The following ZNF646 variants were observed in gnomAD, a reference collection of about 807,000 sequenced individuals.
ZNF646 encodes zinc finger protein 646.
Under a neutral mutation model 115.4 loss-of-function variants are expected in ZNF646, and 49 were observed. That is an observed-to-expected ratio of 0.42 (90% CI 0.34 to 0.54). ZNF646 has a LOEUF of 0.54. ZNF646 is among the 20% of genes least tolerant of loss of function. The probability of loss-of-function intolerance (pLI) is 0.04; values close to 1 mark genes in which losing one functional copy is unlikely to be tolerated. For missense variants in ZNF646, 2,269 were observed against 2,457.9 expected (o/e 0.92, Z 1.62); for synonymous variants, 933 against 939.0 (o/e 0.99, Z 0.12).
rs1378429627 is a variant in ZNF646 at position 31,078,257 on chromosome 16, A to C, written c.1933A>C (p.Ser645Arg). 1.2e-6 allele frequency: 2 copies of C among 1,613,798 alleles called. No individual in the cohort carries two copies. Among genetic ancestry groups the C allele is most frequent in the African/African-American group, 2.7e-5 (2 of 74,956 alleles). The part of the protein sequence containing the change: ...HRQTHQTGDF[S>R]CGACAKHFHT... ...GCAGACCCACCAGACAGGAGACTTC[A>C]GTTGTGGGGCCTGTGCCAAGCACTT... The change falls in exon 2 of 3, where the codon AGT (serine) becomes CGT (arginine). Residue 645 changes from serine (S) to arginine (R), a missense_variant. By Grantham distance (110) the Ser-to-Arg change is moderately radical. Transcript: ENST00000300850.
Position 31,084,136 on chromosome 16 carries a change from C to T in ZNF646, c.*1044C>T. 7 of 1,584,534 alleles carry T rather than the reference C, an allele frequency of 4.4e-6. No individual in the cohort carries two copies. The Middle Eastern group carries it at 5.0e-4, about 114-fold the overall frequency. On this transcript the variant is annotated 3_prime_UTR_variant, in exon 3 of 3. Transcript: ENST00000300850. ...CCACATACTTATGTTGGCCAGGCAGCTTCCAGGCTCAGCCTCGGGCTCTGG... is the reference window on the plus strand; with the variant it reads ...CCACATACTTATGTTGGCCAGGCAGTTTCCAGGCTCAGCCTCGGGCTCTGG...
rs754812632 is a variant in ZNF646 at position 31,080,758 on chromosome 16, G to T, written c.4434G>T (p.Trp1478Cys). The change falls in exon 2 of 3, where the codon TGG becomes TGT. Residue 1478 changes from tryptophan (W) to cysteine (C), a missense_variant. This residue lies in a region of ZNF646 where 1,062 missense variants were observed against 1,172.8 expected (regional missense o/e 0.91). Transcript: ENST00000300850. Reference protein sequence around the residue: ...GGGLGNHSGGWVPQFLTRSEE... With the variant: ...GGGLGNHSGGCVPQFLTRSEE... ...GACTGGGGAATCATAGTGGAGGCTG[G>T]GTTCCTCAGTTCCTAACTAGGTCAG... 5.6e-6 allele frequency: 9 copies of T among 1,613,624 alleles called. No individual in the cohort carries two copies. Among genetic ancestry groups the T allele is most frequent in the Non-Finnish European group, 7.6e-6 (9 of 1,179,934 alleles).
In ZNF646 at chr16:31,080,259, G is replaced by A. The variant is rs2057137675; in HGVS notation, c.3935G>A (p.Gly1312Asp). The A allele has an allele frequency of 1.9e-6, 3 of 1,612,178 alleles. No individual in the cohort carries two copies. Among genetic ancestry groups the A allele is most frequent in the Middle Eastern group, 1.6e-4 (1 of 6,076 alleles). ...TGCGGGCGGACCTATCGCCACGCCG[G>A]CAGCCTCCTGAACCACCGGCGCAGC... is the stretch of plus-strand genomic sequence containing the variant. ...GQCGRTYRHAGSLLNHRRSHE... is the reference protein window; with the variant it reads ...GQCGRTYRHADSLLNHRRSHE... Residue 1312 changes from glycine to aspartate, a missense_variant, in exon 2 of 3, where the codon GGC becomes GAC. Coordinates refer to ENST00000300850, the MANE Select transcript of ZNF646 (RefSeq NM_014699.4).
rs200472685 is a variant in ZNF646 at position 31,081,090 on chromosome 16, A to G, written c.4766A>G (p.Asp1589Gly). The G allele has an allele frequency of 1.9e-6, 3 of 1,613,532 alleles. No homozygotes were observed. The highest frequency in any genetic ancestry group is 2.5e-6 in the Non-Finnish European group (3 of 1,179,886). Reference protein sequence around the residue: ...HIDAQTFACPDCGKAFESHQE... With the variant: ...HIDAQTFACPGCGKAFESHQE... ...GACGCCCAGACCTTTGCCTGTCCTG[A>G]CTGTGGCAAAGCCTTTGAGTCCCAC... The change falls in exon 2 of 3, where the codon GAC becomes GGC. Residue 1589 changes from aspartate (D) to glycine (G), a missense_variant. By Grantham distance (94) the Asp-to-Gly change is moderately conservative. Transcript: ENST00000300850.
rs2057131550 is a variant in ZNF646, at chr16:31,079,912, A to C, written c.3588A>C (p.Glu1196Asp). 1 of 1,612,268 alleles carries C rather than the reference A, an allele frequency of 6.2e-7. No homozygotes were observed. The highest frequency in any genetic ancestry group is 8.5e-7 in the Non-Finnish European group (1 of 1,178,844). ...CTGCCGAGAAGGGCTGCCAGACTGA[A>C]GCCAGCTCTGAGCGGCCCTTCAGCT... Reference protein sequence around the residue: ...LETAEKGCQTEASSERPFSCE... With the variant: ...LETAEKGCQTDASSERPFSCE... Residue 1196 changes from glutamate (E) to aspartate (D), a missense_variant, in exon 2 of 3, where the codon GAA becomes GAC. Around this residue, in one of 5 missense-constraint regions of ZNF646, gnomAD observed 1,062 missense variants for 1,172.8 expected, o/e 0.91. Transcript: ENST00000300850. This position sits in a 1 kb window ranked among gnomAD's most constrained non-coding sequence, Gnocchi z 5.5.
chr16:31,078,648 C>G lies in ZNF646; in HGVS notation c.2324C>G (p.Pro775Arg). ...DASLLDNLDI[P>R]GEEGGGTHFC... is the part of the protein sequence containing the mutation. ...AGTTTACTTGACAACTTGGACATCC[C>G]AGGTGAGGAAGGTGGTGGCACTCAC... The change falls in exon 2 of 3, where the codon CCA becomes CGA. Residue 775 changes from proline to arginine, a missense_variant. By Grantham distance (103) the Pro-to-Arg change is moderately radical (BLOSUM62 -2). This residue lies in a region of ZNF646 where 852 missense variants were observed against 900.2 expected (regional missense o/e 0.95). Coordinates refer to ENST00000300850, the MANE Select transcript of ZNF646 (RefSeq NM_014699.4). 2 of 1,614,154 alleles carry G rather than the reference C, an allele frequency of 1.2e-6. No individual in the cohort carries two copies. Among genetic ancestry groups the G allele is most frequent in the African/African-American group, 2.7e-5 (2 of 75,064 alleles).
In ZNF646 at chr16:31,077,368, A is replaced by C. The variant is rs1258944286; in HGVS notation, c.1044A>C (p.Ala348=). 1 of 1,613,018 alleles carries C rather than the reference A, an allele frequency of 6.2e-7. No homozygotes were observed. Among genetic ancestry groups the C allele is most frequent in the African/African-American group, 1.3e-5 (1 of 74,922 alleles). The change falls in exon 2 of 3, where the codon GCA becomes GCC. Residue 348 remains alanine, a synonymous_variant. Coordinates refer to ENST00000300850, the MANE Select transcript of ZNF646 (RefSeq NM_014699.4). ...GCAGCCAGGACCAGCTCCCCAGTGC[A>C]CAGATGCTGAATGGCTCTGCGGAGC... ...DESSQDQLPS[A]QMLNGSAELS... is the part of the protein sequence containing the mutation.
intron 2 of ZNF646, chr16:31,082,254 C>A (rs1412425227): frequency 5.7e-6 from 1 of 175,262 alleles, no homozygotes; most frequent in Non-Finnish European, 1.4e-5. Context: ...TGCGCCTTGT[C>A]TCTGCTGCTC....
In ZNF646 at chr16:31,078,194, A is replaced by C; in HGVS notation, c.1870A>C (p.Lys624Gln). 2 of 1,614,120 alleles carry C rather than the reference A, an allele frequency of 1.2e-6. No individual in the cohort carries two copies. Among genetic ancestry groups the C allele is most frequent in the Non-Finnish European group, 1.7e-6 (2 of 1,180,050 alleles). ...PRAFACRDCG[K>Q]SYRHSGSLIN... ...GGCCTTTGCCTGCCGAGACTGTGGAAAGAGCTATCGCCACTCAGGCAGCCT... is the reference window on the plus strand; with the variant it reads ...GGCCTTTGCCTGCCGAGACTGTGGACAGAGCTATCGCCACTCAGGCAGCCT... Residue 624 changes from lysine to glutamine, a missense_variant, in exon 2 of 3, where the codon AAG becomes CAG. By Grantham distance (53) the Lys-to-Gln change is moderately conservative (BLOSUM62 1). Around this residue, in one of 5 missense-constraint regions of ZNF646, gnomAD observed 852 missense variants for 900.2 expected, o/e 0.95. Coordinates refer to ENST00000300850, the MANE Select transcript of ZNF646 (RefSeq NM_014699.4).
Position 31,080,585 on chromosome 16 carries a change from G to T in ZNF646, c.4261G>T (p.Gly1421Cys). The part of the protein sequence containing the change: ...TGSQGLETQL[G>C]GAEPVPHLED... Reference sequence around the variant, plus strand: ...CAGCCAGGGACTAGAGACCCAATTGGGTGGTGCTGAGCCAGTACCCCACTT... The same window carrying T: ...CAGCCAGGGACTAGAGACCCAATTGTGTGGTGCTGAGCCAGTACCCCACTT... The change falls in exon 2 of 3, where the codon GGT (glycine) becomes TGT (cysteine). Residue 1421 changes from glycine (G) to cysteine (C), a missense_variant. Physicochemically the swap from Gly to Cys is radical, Grantham distance 159. Coordinates refer to ENST00000300850, the MANE Select transcript of ZNF646 (RefSeq NM_014699.4). 6.2e-7 allele frequency: 1 copy of T among 1,614,134 alleles called. No homozygotes were observed. Among genetic ancestry groups the T allele is most frequent in the Non-Finnish European group, 8.5e-7 (1 of 1,180,022 alleles).
rs375311597 is a variant in ZNF646 at position 31,078,239 on chromosome 16, C to G, written c.1915C>G (p.His639Asp). 3.1e-6 allele frequency: 5 copies of G among 1,613,918 alleles called. No individual in the cohort carries two copies. The highest frequency in any genetic ancestry group is 2.7e-5 in the African/African-American group (2 of 74,958). The change falls in exon 2 of 3, where the codon CAC becomes GAC. Residue 639 changes from histidine to aspartate, a missense_variant. Transcript: ENST00000300850. ...CAGCCTTATCAACCACAGGCAGACCCACCAGACAGGAGACTTCAGTTGTGG... is the reference window on the plus strand; with the variant it reads ...CAGCCTTATCAACCACAGGCAGACCGACCAGACAGGAGACTTCAGTTGTGG... ...SGSLINHRQT[H>D]QTGDFSCGAC...
At chr16:31,081,735 G>A in intron 2 of ZNF646, 34 bp downstream of exon 2, 3 of 1,533,584 alleles carry the variant, frequency 2.0e-6, no homozygotes, top group South Asian at 1.3e-5. Context: ...GAGGAGGTGG[G>A]CACACAGTGG....
chr16:31,078,633 A>C lies in ZNF646; in HGVS notation c.2309A>C (p.Asp770Ala), dbSNP rs771005801. Residue 770 changes from aspartate (D) to alanine (A), a missense_variant, in exon 2 of 3, where the codon GAC (aspartate) becomes GCC (alanine). Asp to Ala is a moderately radical substitution (Grantham distance 126). Around this residue, in one of 5 missense-constraint regions of ZNF646, gnomAD observed 852 missense variants for 900.2 expected, o/e 0.95. Coordinates refer to ENST00000300850, the MANE Select transcript of ZNF646 (RefSeq NM_014699.4). ...GAAAGGAAGGATGCCAGTTTACTTG[A>C]CAACTTGGACATCCCAGGTGAGGAA... is the stretch of plus-strand genomic sequence containing the variant. The part of the protein sequence containing the change: ...GLERKDASLL[D>A]NLDIPGEEGG... The C allele has an allele frequency of 1.9e-6, 3 of 1,614,014 alleles. No homozygotes were observed. In the African/African-American group the frequency reaches 4.0e-5, roughly 22 times the overall value.
chr16:31,078,452 G>C lies in ZNF646; in HGVS notation c.2128G>C (p.Asp710His). The C allele has an allele frequency of 6.3e-7, 1 of 1,593,838 alleles. No individual in the cohort carries two copies. Among genetic ancestry groups the C allele is most frequent in the African/African-American group, 1.3e-5 (1 of 74,508 alleles). Residue 710 changes from aspartate to histidine, a missense_variant, in exon 2 of 3, where the codon GAC becomes CAC. Asp to His is a moderately conservative substitution (Grantham distance 81, BLOSUM62 -1). Coordinates refer to ENST00000300850, the MANE Select transcript of ZNF646 (RefSeq NM_014699.4). Reference protein sequence around the residue: ...EDNEGLESPQDPSGESPHGAE... With the variant: ...EDNEGLESPQHPSGESPHGAE... The stretch of plus-strand genomic sequence containing the variant: ...CAATGAAGGCCTGGAGTCTCCCCAA[G>C]ACCCTTCAGGGGAAAGTCCTCATGG...
chr16:31,082,571 A>C (rs889550), intron 2 of ZNF646: 1 of 243,430 alleles, frequency 4.1e-6, no homozygotes, highest in Non-Finnish European at 8.5e-6. Flanking sequence ...TGGAAGCCGC[A>C]GCTGCCAGGG....
Position 31,080,105 on chromosome 16 carries a change from A to C in ZNF646, c.3781A>C (p.Ser1261Arg). The change falls in exon 2 of 3, where the codon AGC becomes CGC. Residue 1261 changes from serine (S) to arginine (R), a missense_variant. By Grantham distance (110) the Ser-to-Arg change is moderately radical (BLOSUM62 -1). Transcript: ENST00000300850. Reference protein sequence around the residue: ...IHADPRRFRCSECGKAFRLRK... With the variant: ...IHADPRRFRCRECGKAFRLRK... ...TGCAGATCCCCGACGTTTCCGCTGC[A>C]GCGAGTGTGGGAAGGCCTTCCGCCT... 3 of 1,613,236 alleles carry C rather than the reference A, an allele frequency of 1.9e-6. No individual in the cohort carries two copies. The highest frequency in any genetic ancestry group is 2.5e-6 in the Non-Finnish European group (3 of 1,179,900).
At chr16:31,073,358 G>A (rs898877458), upstream of ZNF646, 1 of 151,076 alleles carries the variant, frequency 6.6e-6, no homozygotes, top group Non-Finnish European at 1.5e-5. Context: ...CACGCGACCG[G>A]GACAAAAACC....
At position 31,078,611 on chromosome 16, in the gene ZNF646, A is replaced by G. The variant is rs375149896; in HGVS notation, c.2287A>G (p.Arg763Gly). The G allele has an allele frequency of 2.7e-5, 43 of 1,613,830 alleles. No homozygotes were observed. The highest frequency in any genetic ancestry group is 3.6e-5 in the Non-Finnish European group (43 of 1,179,870). ...ESGGTGEGLE[R>G]KDASLLDNLD... is the part of the protein sequence containing the mutation. ...CGGAGGCACTGGGGAAGGACTGGAAAGGAAGGATGCCAGTTTACTTGACAA... is the reference window on the plus strand; with the variant it reads ...CGGAGGCACTGGGGAAGGACTGGAAGGGAAGGATGCCAGTTTACTTGACAA... The change falls in exon 2 of 3, where the codon AGG becomes GGG. Residue 763 changes from arginine (R) to glycine (G), a missense_variant. Around this residue, in one of 5 missense-constraint regions of ZNF646, gnomAD observed 852 missense variants for 900.2 expected, o/e 0.95. Coordinates refer to ENST00000300850, the MANE Select transcript of ZNF646 (RefSeq NM_014699.4).
At position 31,083,883 on chromosome 16, in the gene ZNF646, G is replaced by A. The variant is rs11864806; in HGVS notation, c.*791G>A. The A allele has an allele frequency of 2.9e-5, 46 of 1,595,936 alleles. No homozygotes were observed. Among genetic ancestry groups the A allele is most frequent in the African/African-American group, 5.4e-5 (4 of 73,924 alleles). ...GTCCCTCCCTCCCTCCCCATTCCTCGAAGGAACAGGGTCTGTCTTGGCCGC... is the reference window on the plus strand; with the variant it reads ...GTCCCTCCCTCCCTCCCCATTCCTCAAAGGAACAGGGTCTGTCTTGGCCGC... On this transcript the variant is annotated 3_prime_UTR_variant, in exon 3 of 3. Transcript: ENST00000300850.
Sources: allele counts gnomAD v4.1 joint callset, GRCh38; gene constraint gnomAD v4.1.1; regional missense constraint gnomAD v4.1.1; non-coding constraint Gnocchi (gnomAD v3.1); transcripts MANE v1.5; gene names NCBI Gene and HGNC (gene_info 2026-07-23, HGNC 2026-07-21).